Variants in DNAI7 observed in about 807,000 individuals in gnomAD.
DNAI7 encodes dynein axonemal intermediate chain 7, also known as cancer susceptibility 1.
In DNAI7, 78 loss-of-function variants were observed where a neutral mutation model predicts 86.6. That is an observed-to-expected ratio of 0.90 (90% CI 0.75 to 1.09). The LOEUF (loss-of-function observed/expected upper bound fraction) is 1.09, where lower values mean the gene tolerates loss of function less well. DNAI7 is among the 50% of genes least tolerant of loss of function. The pLI is 0.00. For synonymous variants in DNAI7, 274 were observed against 273.0 expected (o/e 1.00, Z -0.04); for missense variants, 753 against 810.2 (o/e 0.93, Z 0.86).
At chr12:25,184,440 T>C (rs1410195114) in intron 2 of DNAI7, among the ~76,000 whole-genome samples, 1 of 152,232 alleles carries the variant, frequency 6.6e-6, no homozygotes, top group Non-Finnish European at 1.5e-5. Context: ...CCATGCTATA[T>C]CATGCATCAG....
intron 1 of DNAI7, chr12:25,194,754 G>C (rs1301891140): frequency 3.6e-6 from 3 of 836,052 alleles, no homozygotes; most frequent in Non-Finnish European, 5.6e-6. Flanking sequence ...AGAAAATTTA[G>C]TGGGAACGTC....
intron 2 of DNAI7, among the ~76,000 whole-genome samples, chr12:25,165,408 C>CA (rs1229607001): frequency 6.6e-6 from 1 of 152,234 alleles, no homozygotes; most frequent in African/African-American, 2.4e-5. Context: ...CCTCCTCCCC[C>CA]AGGAGCTTGC....
At chr12:25,120,493 C>A (rs899449067) in intron 11 of DNAI7, among the ~76,000 whole-genome samples, 2 of 151,758 alleles carry the variant, frequency 1.3e-5, no homozygotes, top group African/African-American at 2.4e-5. Context: ...GAGGCCGAGG[C>A]GGGCGGATCA....
chr12:25,107,965 G>A (rs1226975000), downstream of DNAI7: 4 of 1,614,178 alleles, frequency 2.5e-6, no homozygotes, highest in Non-Finnish European at 3.4e-6. Context: ...GTCTGTGGAT[G>A]CCGCTCCCAC....
In DNAI7 at chr12:25,149,691, T is replaced by C; in HGVS notation, c.522A>G (p.Ser174=). 6.3e-7 allele frequency: 1 copy of C among 1,594,226 alleles called. No homozygotes were observed. The highest frequency in any genetic ancestry group is 8.6e-7 in the Non-Finnish European group (1 of 1,163,606). The change falls in exon 7 of 16, where the codon TCA becomes TCG. Residue 174 remains serine, a synonymous_variant. Coordinates refer to ENST00000395987, the MANE Select transcript of DNAI7 (RefSeq NM_018272.5). ...GAAGGAGCTCCTGCAGTTGTAGTATTGATTCTTGGTACTGTATTATATTTT... is the reference window on the plus strand; with the variant it reads ...GAAGGAGCTCCTGCAGTTGTAGTATCGATTCTTGGTACTGTATTATATTTT... ...QDKNIIQYQE[S]ILQLQELLHL...
intron 7 of DNAI7, among the ~76,000 whole-genome samples, chr12:25,148,801 A>C (rs1289800785): frequency 6.6e-6 from 1 of 152,126 alleles, no homozygotes; most frequent in Non-Finnish European, 1.5e-5. Flanking sequence ...CATCCCTTTC[A>C]TACAATGTCA....
At chr12:25,110,490 C>A (rs1448469468) in intron 14 of DNAI7, among the ~76,000 whole-genome samples, 14 of 152,246 alleles carry the variant, frequency 9.2e-5, no homozygotes, top group South Asian at 2.1e-4. Flanking sequence ...CATTACCTGC[C>A]GACCTCTTTT....
Position 25,131,396 on chromosome 12 carries a change from A to G in DNAI7, c.1003-8110T>C, listed in dbSNP as rs563417316. 2.2e-4 allele frequency among the ~76,000 whole-genome samples: 34 copies of G among 152,358 alleles called. 1 individual carries two copies. The highest frequency in any genetic ancestry group is 7.7e-4 in the African/African-American group (32 of 41,574). The stretch of plus-strand genomic sequence containing the variant: ...TTAGTTCTCCTGTAGCTGTGATTAT[A>G]TAGGAATACAAACATAACTTTACAC... On this transcript the variant is annotated intron_variant, in intron 9 of 15. Coordinates refer to ENST00000395987, the MANE Select transcript of DNAI7 (RefSeq NM_018272.5).
Position 25,172,169 on chromosome 12 carries a change from G to A in DNAI7, c.22-10972C>T, listed in dbSNP as rs114372451. On this transcript the variant is annotated intron_variant, in intron 2 of 15. Transcript: ENST00000395987. ...CATCCAAATTGGTAAAGAGGAACTC[G>A]AACTGTCACTGTTTGCTGGCAATAT... Among the ~76,000 whole-genome samples the A allele has an allele frequency of 6.2e-3, 945 of 151,688 alleles. 10 individuals carry two copies. The highest frequency in any genetic ancestry group is 0.021 in the African/African-American group (881 of 41,356).
intron 2 of DNAI7, among the ~76,000 whole-genome samples, chr12:25,169,566 G>A (rs1246251093): frequency 6.6e-6 from 1 of 152,200 alleles, no homozygotes; most frequent in African/African-American, 2.4e-5. Context: ...AAGACACAGA[G>A]GCCAGGAGCG....
intron 13 of DNAI7, among the ~76,000 whole-genome samples, chr12:25,114,160 G>A (rs1352704415): frequency 2.6e-5 from 4 of 151,040 alleles, no homozygotes; most frequent in Non-Finnish European, 5.9e-5. Context: ...GGCTGGTCTC[G>A]AACTGCTGAC....
intron 2 of DNAI7, among the ~76,000 whole-genome samples, chr12:25,168,575 G>A (rs1383786375): frequency 1.3e-5 from 2 of 152,068 alleles, no homozygotes; most frequent in African/African-American, 2.4e-5. Flanking sequence ...CTCCAAAACC[G>A]CCGAGGCCTT....
chr12:25,117,727 G>C (rs765812537), intron 12 of DNAI7, among the ~76,000 whole-genome samples: 15 of 151,794 alleles, frequency 9.9e-5, no homozygotes, highest in Non-Finnish European at 2.1e-4. Context: ...AAAATAAAAA[G>C]GTATAAAAAG....
At position 25,119,139 on chromosome 12, in the gene DNAI7, C is replaced by T; in HGVS notation, c.1396+6G>A. 6.3e-7 allele frequency: 1 copy of T among 1,588,480 alleles called. No individual in the cohort carries two copies. Among genetic ancestry groups the T allele is most frequent in the Non-Finnish European group, 8.5e-7 (1 of 1,171,884 alleles). On this transcript the variant is annotated splice_donor_region_variant and intron_variant, in intron 12 of 15. Transcript: ENST00000395987. ...TCCTTTTATTACATAATTATAAAAG[C>T]TGTACCTTCAGCATCCCACCTTACA... is the stretch of plus-strand genomic sequence containing the variant.
intron 8 of DNAI7, among the ~76,000 whole-genome samples, chr12:25,145,358 CA>C (rs1944693619): frequency 6.6e-6 from 1 of 152,150 alleles, no homozygotes; most frequent in Non-Finnish European, 1.5e-5. Context: ...TTACAACCCC[CA>C]CCCCAATCAC....
intron 9 of DNAI7, among the ~76,000 whole-genome samples, chr12:25,136,468 A>G (rs904520559): frequency 6.6e-6 from 1 of 152,186 alleles, no homozygotes; most frequent in Non-Finnish European, 1.5e-5. Context: ...TAGGAACCAG[A>G]AAAACAATTC....
Position 25,158,505 on chromosome 12 carries a change from A to T in DNAI7, c.165T>A (p.Ile55=), listed in dbSNP as rs754868412. ...CAAGTCGATGCCATTTTTCTTTCTC[A>T]ATTCGCTGTATTTCAAGCCTTTCCA... ...EEMERLEIQR[I]EKEKWHRLEA... Residue 55 remains isoleucine, a synonymous_variant, in exon 4 of 16, where the codon ATT becomes ATA. Coordinates refer to ENST00000395987, the MANE Select transcript of DNAI7 (RefSeq NM_018272.5). 11 of 1,613,020 alleles carry T rather than the reference A, an allele frequency of 6.8e-6. No homozygotes were observed. The highest frequency in any genetic ancestry group is 9.3e-6 in the Non-Finnish European group (11 of 1,179,724).
intron 9 of DNAI7, among the ~76,000 whole-genome samples, chr12:25,142,332 T>G (rs943287775): frequency 1.3e-5 from 2 of 152,040 alleles, no homozygotes; most frequent in African/African-American, 4.8e-5. Context: ...ACAATGGACT[T>G]TGGGGACTCA....
At chr12:25,142,280 A>C (rs1007180493) in intron 9 of DNAI7, among the ~76,000 whole-genome samples, 18 of 150,520 alleles carry the variant, frequency 1.2e-4, no homozygotes, top group Non-Finnish European at 5.9e-5. Context: ...CTCACTTATA[A>C]GTGGGAGCTA....
Sources: allele counts gnomAD v4.1 joint callset (sites outside exome capture counted in the v4.1 genomes callset), GRCh38; gene constraint gnomAD v4.1.1; transcripts MANE v1.5; gene names NCBI Gene and HGNC (gene_info 2026-07-23, HGNC 2026-07-21).